The following STT3B variants were observed in gnomAD, a reference collection of about 807,000 sequenced individuals.
STT3B encodes the protein dolichyl-diphosphooligosaccharide--protein glycosyltransferase subunit STT3B.
STT3B carries 29 observed loss-of-function variants against 96.8 expected under a neutral mutation model. That is an observed-to-expected ratio of 0.30 (90% CI 0.22 to 0.41). The LOEUF (loss-of-function observed/expected upper bound fraction) is 0.41. Ranked by LOEUF, STT3B falls within the 10% of genes least tolerant of loss-of-function variation. The pLI, the probability that STT3B is intolerant of heterozygous loss-of-function variation, is 1.00. For synonymous variants in STT3B, 367 were observed against 360.0 expected (o/e 1.02, Z -0.22); for missense variants, 640 against 1,022.3 (o/e 0.63, Z 5.10).
chr3:31,588,009 C>A (rs1233298805), intron 3 of STT3B, among the ~76,000 whole-genome samples: 3 of 152,118 alleles, frequency 2.0e-5, no homozygotes, highest in Non-Finnish European at 4.4e-5. Flanking sequence ...GTGACTTTAG[C>A]TCTCTGATAA....
In STT3B at chr3:31,533,069, T is replaced by C; in HGVS notation, c.71T>C (p.Met24Thr). The change falls in exon 1 of 16, where the codon ATG becomes ACG. Residue 24 changes from methionine (M) to threonine (T), a missense_variant. By Grantham distance (81) the Met-to-Thr change is moderately conservative. Around this residue, in one of 8 missense-constraint regions of STT3B, gnomAD observed 89 missense variants for 81.7 expected, o/e 1.09. Transcript: ENST00000295770. ...SLNSSPWSGL[M>T]ALGNSRHGHH... ...AACTCGTCCCCGTGGAGTGGCCTCA[T>C]GGCCCTGGGAAACAGCCGGCACGGC... is the stretch of plus-strand genomic sequence containing the variant. 1 of 1,564,622 alleles carries C rather than the reference T, an allele frequency of 6.4e-7. No homozygotes were observed. The highest frequency in any genetic ancestry group is 8.6e-7 in the Non-Finnish European group (1 of 1,158,716).
At chr3:31,619,085 G>T (rs1274319718) in intron 8 of STT3B, among the ~76,000 whole-genome samples, 1 of 151,984 alleles carries the variant, frequency 6.6e-6, no homozygotes. Flanking sequence ...AGGCATTATT[G>T]TGTAAGGTGT....
chr3:31,547,430 A>T (rs535431167), intron 1 of STT3B, among the ~76,000 whole-genome samples: 1 of 152,120 alleles, frequency 6.6e-6, no homozygotes, highest in Non-Finnish European at 1.5e-5. Context: ...GGATCACTTG[A>T]GGTCAGGAGT....
rs1699758959 is a variant in STT3B at position 31,636,584 on chromosome 3, A to C, written c.*520A>C. ...ATTATATTTATTTTCATGTTTCTCT[A>C]ATGCAAAGAATGTTTCATCAAATGT... is the stretch of plus-strand genomic sequence containing the variant. On this transcript the variant is annotated 3_prime_UTR_variant, in exon 16 of 16. Coordinates refer to ENST00000295770, the MANE Select transcript of STT3B (RefSeq NM_178862.3). The C allele has an allele frequency of 6.6e-6, 1 of 152,220 alleles. No individual in the cohort carries two copies. Among genetic ancestry groups the C allele is most frequent in the Non-Finnish European group, 1.5e-5 (1 of 68,036 alleles). The allele number at this position is 152,220 out of a possible 1,614,324, so 9.4% of individuals were successfully genotyped here.
At chr3:31,604,169 A>G (rs1310500841) in intron 5 of STT3B, among the ~76,000 whole-genome samples, 2 of 152,112 alleles carry the variant, frequency 1.3e-5, no homozygotes, top group Non-Finnish European at 2.9e-5. Flanking sequence ...TGTTTTTCAT[A>G]TTATATCTAA....
chr3:31,590,077 CT>C (rs997846996), intron 3 of STT3B, among the ~76,000 whole-genome samples: 3 of 151,706 alleles, frequency 2.0e-5, no homozygotes, highest in African/African-American at 7.3e-5. Context: ...TAATATGTAT[CT>C]TTTTAAAAGT....
intron 1 of STT3B, among the ~76,000 whole-genome samples, chr3:31,546,492 C>T (rs1697416717): frequency 6.6e-6 from 1 of 152,140 alleles, no homozygotes. Flanking sequence ...GAGAAAGCTG[C>T]CAGGTCAACT....
At chr3:31,550,839 T>C (rs1435231301) in intron 1 of STT3B, among the ~76,000 whole-genome samples, 1 of 152,128 alleles carries the variant, frequency 6.6e-6, no homozygotes, top group Non-Finnish European at 1.5e-5. Flanking sequence ...AGTTCATCAG[T>C]CTGGCATCCT....
At chr3:31,600,753 C>T (rs930261219) in intron 5 of STT3B, among the ~76,000 whole-genome samples, 5 of 151,890 alleles carry the variant, frequency 3.3e-5, no homozygotes, top group Admixed American at 2.0e-4. Context: ...TCATGAAAAT[C>T]GTTCACATTT....
At chr3:31,543,626 ACAT>A (rs1158490851) in intron 1 of STT3B, among the ~76,000 whole-genome samples, 2 of 152,246 alleles carry the variant, frequency 1.3e-5, no homozygotes, top group Non-Finnish European at 2.9e-5. Flanking sequence ...TGTGCAGTGA[ACAT>A]CATAATCCCA....
At chr3:31,569,662 A>G (rs1188602817) in intron 1 of STT3B, among the ~76,000 whole-genome samples, 1 of 152,174 alleles carries the variant, frequency 6.6e-6, no homozygotes, top group Non-Finnish European at 1.5e-5. Flanking sequence ...GACAGTATTA[A>G]AAGAAGGAGG....
chr3:31,566,559 A>G (rs1698011891), intron 1 of STT3B, among the ~76,000 whole-genome samples: 1 of 152,170 alleles, frequency 6.6e-6, no homozygotes, highest in African/African-American at 2.4e-5. Flanking sequence ...CCTTCAGCAC[A>G]CCATTTCTCC....
At chr3:31,575,745 G>C (rs1244404702) in intron 1 of STT3B, among the ~76,000 whole-genome samples, 1 of 152,020 alleles carries the variant, frequency 6.6e-6, no homozygotes, top group Non-Finnish European at 1.5e-5. Flanking sequence ...ACCTGACTGA[G>C]TATACCTAAT....
intron 5 of STT3B, among the ~76,000 whole-genome samples, chr3:31,610,680 A>C (rs1319016331): frequency 1.3e-5 from 2 of 152,212 alleles, no homozygotes. Flanking sequence ...CTTGGATATA[A>C]AATATTTCCA....
intron 7 of STT3B, 107 bp downstream of exon 7, chr3:31,617,182 T>TTTTA: frequency 5.0e-6 from 4 of 807,818 alleles, no homozygotes; most frequent in Non-Finnish European, 5.2e-6. Context: ...AAAGTGATTT[T>TTTTA]TTTCTTTTTT....
Position 31,623,670 on chromosome 3 carries a change from T to G in STT3B, c.1540-4T>G, listed in dbSNP as rs758232695. 6.3e-7 allele frequency: 1 copy of G among 1,599,984 alleles called. No homozygotes were observed. Among genetic ancestry groups the G allele is most frequent in the Non-Finnish European group, 8.5e-7 (1 of 1,171,396 alleles). Reference sequence around the variant, plus strand: ...TGTCTAACCAATTTTTTTAATATCTTTAGGCAGGTAAAGTGAGGAAACATG... The same window carrying G: ...TGTCTAACCAATTTTTTTAATATCTGTAGGCAGGTAAAGTGAGGAAACATG... On this transcript the variant is annotated splice_polypyrimidine_tract_variant and splice_region_variant and intron_variant, in intron 10 of 15. Transcript: ENST00000295770.
At chr3:31,621,860 T>C in intron 9 of STT3B, among the ~76,000 whole-genome samples, 1 of 152,370 alleles carries the variant, frequency 6.6e-6, no homozygotes, top group East Asian at 1.9e-4. Context: ...CTAATTAAAT[T>C]TGAATCATAT....
At position 31,533,231 on chromosome 3, in the gene STT3B, T is replaced by G; in HGVS notation, c.233T>G (p.Phe78Cys). 3 of 1,492,334 alleles carry G rather than the reference T, an allele frequency of 2.0e-6. No homozygotes were observed. The highest frequency in any genetic ancestry group is 2.7e-6 in the Non-Finnish European group (3 of 1,118,278). 92.4% of individuals were successfully genotyped at this position (1,492,334 alleles called of 1,614,324 possible). A position where few individuals can be genotyped will look rare whatever the true frequency, so the allele number is the denominator to read the frequency against. The change falls in exon 1 of 16, where the codon TTC becomes TGC. Residue 78 changes from phenylalanine (F) to cysteine (C), a missense_variant. Physicochemically the swap from Phe to Cys is radical, Grantham distance 205. Coordinates refer to ENST00000295770, the MANE Select transcript of STT3B (RefSeq NM_178862.3). The part of the protein sequence containing the change: ...WQSLLSFTIL[F>C]LAWLAGFSSR... ...TCGCTTCTCTCCTTCACCATCCTCT[T>G]CCTGGCCTGGCTTGCCGGCTTCAGC...
intron 3 of STT3B, among the ~76,000 whole-genome samples, chr3:31,593,716 C>A (rs1279904940): frequency 6.6e-6 from 1 of 151,958 alleles, no homozygotes; most frequent in Non-Finnish European, 1.5e-5. Flanking sequence ...ATTTCTAGTT[C>A]ATTCTTATTT....
Sources: allele counts gnomAD v4.1 joint callset (sites outside exome capture counted in the v4.1 genomes callset), GRCh38; gene constraint gnomAD v4.1.1; regional missense constraint gnomAD v4.1.1; transcripts MANE v1.5; gene names NCBI Gene and HGNC (gene_info 2026-07-23, HGNC 2026-07-21).